The following LINGO2 variants were observed in gnomAD, a reference collection of about 807,000 sequenced individuals.
LINGO2 encodes leucine-rich repeat and immunoglobulin-like domain-containing nogo receptor-interacting protein 2.
LINGO2 carries 14 observed loss-of-function variants against 30.6 expected under a neutral mutation model. The ratio of observed to expected loss-of-function variants is 0.46; its 90% CI spans 0.30 to 0.72. LINGO2 has a LOEUF of 0.72. Among genes scored for constraint, LINGO2 ranks in the 30% least tolerant of loss-of-function variants. The probability of loss-of-function intolerance (pLI) is 0.07; values close to 1 mark genes in which losing one functional copy is unlikely to be tolerated. For synonymous variants in LINGO2, 317 were observed against 288.5 expected, an observed-to-expected ratio of 1.10 and a Z score of -1.00; for missense variants, 729 against 751.7, an observed-to-expected ratio of 0.97 and a Z score of 0.35.
chr9:28,911,104 G>A, the LINGO2 span, among the ~76,000 whole-genome samples: 1 of 151,880 alleles, frequency 6.6e-6, no homozygotes, highest in Non-Finnish European at 1.5e-5. Flanking sequence ...AGGAAGAGAG[G>A]GAATATATGA....
At chr9:28,547,003 CT>C (rs1821984546) in intron 1 of LINGO2, among the ~76,000 whole-genome samples, 1 of 152,016 alleles carries the variant, frequency 6.6e-6, no homozygotes, top group African/African-American at 2.4e-5. Flanking sequence ...GAAAAATTGA[CT>C]GGGAAAAGTT....
the LINGO2 span, among the ~76,000 whole-genome samples, chr9:28,760,902 ATG>A: frequency 6.8e-6 from 1 of 147,028 alleles, no homozygotes; most frequent in African/African-American, 2.5e-5. Flanking sequence ...GTGTATATAT[ATG>A]TATATACGTA....
intron 2 of LINGO2, among the ~76,000 whole-genome samples, chr9:28,414,216 A>C (rs16912922): frequency 0.033 from 4,946 of 152,124 alleles, 270 homozygotes; most frequent in African/African-American, 0.11. Flanking sequence ...GGGAGTCAGA[A>C]GGTCCCTGAA....
At chr9:28,016,858 T>C (rs560570513) in intron 4 of LINGO2, among the ~76,000 whole-genome samples, 5 of 152,022 alleles carry the variant, frequency 3.3e-5, no homozygotes, top group Non-Finnish European at 5.9e-5. Flanking sequence ...AGGAACCTAA[T>C]ACCAAAACTT....
the LINGO2 span, among the ~76,000 whole-genome samples, chr9:29,164,746 A>G: frequency 6.6e-6 from 1 of 151,394 alleles, no homozygotes; most frequent in African/African-American, 2.5e-5. Context: ...ATTCATGTGC[A>G]TATATATGCA....
At chr9:29,025,141 TA>T in the LINGO2 span, among the ~76,000 whole-genome samples, 1 of 148,380 alleles carries the variant, frequency 6.7e-6, no homozygotes, top group African/African-American at 2.5e-5. Context: ...CTCAGCTTTA[TA>T]AAAAGGAGGA....
chr9:28,811,785 C>T, the LINGO2 span, among the ~76,000 whole-genome samples: 1 of 152,090 alleles, frequency 6.6e-6, no homozygotes, highest in African/African-American at 2.4e-5. Flanking sequence ...CACTAGATAG[C>T]ACTTGTCATT....
chr9:28,696,909 A>T, the LINGO2 span, among the ~76,000 whole-genome samples: 3 of 151,862 alleles, frequency 2.0e-5, no homozygotes, highest in Non-Finnish European at 2.9e-5. Context: ...AAGTGACATG[A>T]TCTAAATTTT....
chr9:28,628,896 C>T (rs1047121729), intron 1 of LINGO2, among the ~76,000 whole-genome samples: 3 of 152,064 alleles, frequency 2.0e-5, no homozygotes, highest in Non-Finnish European at 4.4e-5. Flanking sequence ...TAATACTTAA[C>T]CAGCTCCTAA....
intron 3 of LINGO2, among the ~76,000 whole-genome samples, chr9:28,340,292 C>T (rs1268726419): frequency 6.6e-6 from 1 of 152,054 alleles, no homozygotes; most frequent in Non-Finnish European, 1.5e-5. Context: ...CTTTGAAGCA[C>T]AATGTCTCGT....
At chr9:28,344,280 G>C (rs1587502206) in intron 3 of LINGO2, among the ~76,000 whole-genome samples, 1 of 152,120 alleles carries the variant, frequency 6.6e-6, no homozygotes. Context: ...ACTCTCAGTA[G>C]TTCAAAAGAT....
intron 5 of LINGO2, among the ~76,000 whole-genome samples, chr9:27,981,551 G>GA (rs1279785343): frequency 0.024 from 2,042 of 86,378 alleles, 39 homozygotes; most frequent in South Asian, 0.037. Flanking sequence ...AAAAAAAAAA[G>GA]AAAAAAAAGA....
chr9:29,212,266 C>T, the LINGO2 span, among the ~76,000 whole-genome samples: 6 of 151,902 alleles, frequency 3.9e-5, no homozygotes, highest in Non-Finnish European at 7.4e-5. Context: ...GCGCGGGCTC[C>T]GCCACCCCGC....
At position 28,632,875 on chromosome 9, in the gene LINGO2, TATATGTAGAGAGAG is replaced by T. The variant is rs1563879161; in HGVS notation, c.-365+37311_-365+37324del. On this transcript the variant is annotated intron_variant, in intron 1 of 5. Transcript: ENST00000379992. ...TATTTTTTATATATATATATATATA[TATATGTAGAGAGAG>T]AGAGAGAGAGAGAGAGAGAGAGAGG... 1.6e-3 allele frequency among the ~76,000 whole-genome samples: 154 copies of T among 96,676 alleles called. 3 individuals carry two copies. In the East Asian group the frequency reaches 0.021, roughly 13 times the overall value. 63.4% of individuals were successfully genotyped at this position (96,676 alleles called of 152,430 possible).
the LINGO2 span, among the ~76,000 whole-genome samples, chr9:28,881,760 A>G: frequency 6.6e-6 from 1 of 152,140 alleles, no homozygotes; most frequent in African/African-American, 2.4e-5. Context: ...TATTAAGCCC[A>G]GCATCCACTA....
At chr9:28,547,639 G>A (rs896561526) in intron 1 of LINGO2, among the ~76,000 whole-genome samples, 4 of 152,078 alleles carry the variant, frequency 2.6e-5, no homozygotes, top group Non-Finnish European at 4.4e-5. Flanking sequence ...ATAGGCAAAC[G>A]ATTTACAAGA....
At chr9:28,154,927 A>G (rs1279652287) in intron 4 of LINGO2, among the ~76,000 whole-genome samples, 1 of 152,218 alleles carries the variant, frequency 6.6e-6, no homozygotes, top group East Asian at 1.9e-4. Context: ...AAAATCATGA[A>G]TCACTAGCTG....
At chr9:28,749,278 A>G in the LINGO2 span, among the ~76,000 whole-genome samples, 1 of 152,006 alleles carries the variant, frequency 6.6e-6, no homozygotes, top group Non-Finnish European at 1.5e-5. Flanking sequence ...TGTCCTTTAC[A>G]TTGAGAGCCT....
At chr9:29,071,517 ATG>A in the LINGO2 span, among the ~76,000 whole-genome samples, 3,472 of 78,644 alleles carry the variant, frequency 0.044, 72 homozygotes, top group East Asian at 0.075. Flanking sequence ...ATATATATAT[ATG>A]TATATGTATA....
Sources: allele counts gnomAD v4.1 joint callset (sites outside exome capture counted in the v4.1 genomes callset), GRCh38; gene constraint gnomAD v4.1.1; transcripts MANE v1.5; gene names NCBI Gene and HGNC (gene_info 2026-07-23, HGNC 2026-07-21).